The following EEF1AKMT2 variants were observed in gnomAD, a reference collection of about 807,000 sequenced individuals.
EEF1AKMT2 encodes EEF1A lysine methyltransferase 2.
In EEF1AKMT2, 32 loss-of-function variants were observed where a neutral mutation model predicts 35.8. The ratio of observed to expected loss-of-function variants is 0.89; its 90% CI spans 0.67 to 1.20. The LOEUF is 1.20. Among genes scored for constraint, EEF1AKMT2 ranks in the 50% most tolerant of loss-of-function variants. The pLI is 0.00. For synonymous variants in EEF1AKMT2, 121 were observed against 133.7 expected (o/e 0.91, Z 0.65); for missense variants, 330 against 347.5 (o/e 0.95, Z 0.40).
intron 3 of EEF1AKMT2, among the ~76,000 whole-genome samples, chr10:124,781,300 C>A (rs941026426): frequency 6.6e-6 from 1 of 151,650 alleles, no homozygotes; most frequent in Non-Finnish European, 1.5e-5. Flanking sequence ...ATATTCAGGC[C>A]GGCTGCGGTG....
rs750889614 is a variant in EEF1AKMT2 at position 124,765,514 on chromosome 10, T to C, written c.494A>G (p.Asn165Ser). 23 of 1,613,872 alleles carry C rather than the reference T, an allele frequency of 1.4e-5. No homozygotes were observed. The highest frequency in any genetic ancestry group is 9.3e-5 in the African/African-American group (7 of 74,932). The change falls in exon 5 of 7, where the codon AAT becomes AGT. Residue 165 changes from asparagine to serine, a missense_variant. Transcript: ENST00000368836. Reference protein sequence around the residue: ...TFDAISLNPDNAIEKRKQYVK... With the variant: ...TFDAISLNPDSAIEKRKQYVK... ...ATATTGCTTCCTCTTCTCAATTGCA[T>C]TGTCAGGATTAAGGCTTATGGCATC...
intron 6 of EEF1AKMT2, among the ~76,000 whole-genome samples, chr10:124,760,865 TTTTG>T (rs1019386473): frequency 7.2e-5 from 11 of 152,222 alleles, no homozygotes; most frequent in African/African-American, 2.4e-4. Context: ...TGTCGAGTTT[TTTTG>T]TTTGTTTGTT....
intron 4 of EEF1AKMT2, among the ~76,000 whole-genome samples, chr10:124,771,193 A>G (rs999093726): frequency 1.3e-4 from 19 of 151,320 alleles, no homozygotes; most frequent in African/African-American, 2.9e-4. Flanking sequence ...TCCGCCTCCC[A>G]GGTTCACGCC....
chr10:124,783,508 G>A (rs1012752749), intron 3 of EEF1AKMT2, among the ~76,000 whole-genome samples: 2 of 152,194 alleles, frequency 1.3e-5, no homozygotes, highest in African/African-American at 4.8e-5. Flanking sequence ...TGCAGCCACT[G>A]TGGAAAATGG....
intron 4 of EEF1AKMT2, among the ~76,000 whole-genome samples, chr10:124,770,607 C>T (rs1300147365): frequency 2.0e-5 from 3 of 152,126 alleles, no homozygotes; most frequent in African/African-American, 7.2e-5. Context: ...ATAAAGTTTG[C>T]CGTATCGACT....
At chr10:124,781,618 CA>C (rs34232151) in intron 3 of EEF1AKMT2, among the ~76,000 whole-genome samples, 134 of 100,962 alleles carry the variant, frequency 1.3e-3, no homozygotes, top group African/African-American at 4.0e-3. Flanking sequence ...TATATTCAGC[CA>C]AAAAAAAAAA....
chr10:124,784,281 A>G (rs1302541438), intron 3 of EEF1AKMT2, among the ~76,000 whole-genome samples: 1 of 152,200 alleles, frequency 6.6e-6, no homozygotes, highest in Non-Finnish European at 1.5e-5. Context: ...AATCTGTACC[A>G]GAAACATAAC....
In EEF1AKMT2 at chr10:124,767,118, G is replaced by A. The variant is rs373511741; in HGVS notation, c.400-1510C>T. 4.6e-4 allele frequency among the ~76,000 whole-genome samples: 66 copies of A among 142,076 alleles called. 2 individuals are homozygous for A. In the South Asian group the frequency reaches 0.014, roughly 29 times the overall value. The allele number at this position is 142,076 out of a possible 152,430, so 93.2% of individuals were successfully genotyped here. ...AGAGCTTGCAGTGAGCCGAGATCACGCCATTGCACTCCAGCCTGGGAAACA... is the reference window on the plus strand; with the variant it reads ...AGAGCTTGCAGTGAGCCGAGATCACACCATTGCACTCCAGCCTGGGAAACA... On this transcript the variant is annotated intron_variant, in intron 4 of 6. Transcript: ENST00000368836.
At chr10:124,763,736 G>T (rs1417605905) in intron 5 of EEF1AKMT2, among the ~76,000 whole-genome samples, 1 of 151,990 alleles carries the variant, frequency 6.6e-6, no homozygotes, top group African/African-American at 2.4e-5. Flanking sequence ...TTTGTCTGCT[G>T]GTTCTAGGAG....
chr10:124,761,705 C>CT (rs555511587), intron 6 of EEF1AKMT2, among the ~76,000 whole-genome samples: 1 of 152,204 alleles, frequency 6.6e-6, no homozygotes, highest in Non-Finnish European at 1.5e-5. Flanking sequence ...CTTTCTATCA[C>CT]TTAAGGCTAG....
chr10:124,756,805 G>A (rs911271539), downstream of EEF1AKMT2, among the ~76,000 whole-genome samples: 3 of 152,154 alleles, frequency 2.0e-5, no homozygotes, highest in Non-Finnish European at 4.4e-5. Flanking sequence ...TCTGCTTGAT[G>A]TTGAGTTTCA....
At chr10:124,781,305 G>A in intron 3 of EEF1AKMT2, among the ~76,000 whole-genome samples, 1 of 151,800 alleles carries the variant, frequency 6.6e-6, no homozygotes, top group Non-Finnish European at 1.5e-5. Flanking sequence ...CAGGCCGGCT[G>A]CGGTGGCTCA....
intron 5 of EEF1AKMT2, among the ~76,000 whole-genome samples, chr10:124,762,988 T>G (rs1399463365): frequency 4.6e-5 from 7 of 152,260 alleles, no homozygotes; most frequent in African/African-American, 1.7e-4. Flanking sequence ...AAAATATTAA[T>G]AGTGGTTGTA....
chr10:124,756,827 T>C (rs1267843523), downstream of EEF1AKMT2, among the ~76,000 whole-genome samples: 1 of 152,230 alleles, frequency 6.6e-6, no homozygotes, highest in Non-Finnish European at 1.5e-5. Flanking sequence ...TTCTATGCCC[T>C]GAACATAGGA....
intron 4 of EEF1AKMT2, among the ~76,000 whole-genome samples, chr10:124,774,461 A>C (rs1457969376): frequency 6.6e-6 from 1 of 150,898 alleles, no homozygotes; most frequent in Non-Finnish European, 1.5e-5. Context: ...ATTTGCAAAC[A>C]TCAGGAGCAG....
At chr10:124,776,702 G>A (rs1950490304) in intron 3 of EEF1AKMT2, among the ~76,000 whole-genome samples, 8 of 152,004 alleles carry the variant, frequency 5.3e-5, no homozygotes, top group Admixed American at 4.6e-4. Flanking sequence ...GGCTGAGGCA[G>A]GAGAATTGCT....
At position 124,757,868 on chromosome 10, in the gene EEF1AKMT2, G is replaced by A. The variant is rs1950298367; in HGVS notation, c.*2635C>T. On this transcript the variant is annotated 3_prime_UTR_variant, in exon 7 of 7. Coordinates refer to ENST00000368836, the MANE Select transcript of EEF1AKMT2 (RefSeq NM_212554.4). ...AATGGCTTTAGTCAGGCTGCCAAGA[G>A]TGATATCAGGTTTGATTCTCACATA... The A allele has an allele frequency of 6.6e-6, 1 of 152,192 alleles. No individual in the cohort carries two copies. Among genetic ancestry groups the A allele is most frequent in the Admixed American group, 6.5e-5 (1 of 15,282 alleles). The allele number at this position is 152,192 out of a possible 1,614,324, so 9.4% of individuals were successfully genotyped here.
chr10:124,789,179 ATAAC>A, intron 2 of EEF1AKMT2, 22 bp from the exon 3 acceptor site: 1 of 1,528,454 alleles, frequency 6.5e-7, no homozygotes, highest in Non-Finnish European at 9.1e-7. Flanking sequence ...AATCAGTCAA[ATAAC>A]TGAGGGATAC....
intron 5 of EEF1AKMT2, among the ~76,000 whole-genome samples, chr10:124,764,234 T>C (rs181912350): frequency 1.3e-3 from 199 of 151,646 alleles, no homozygotes; most frequent in African/African-American, 4.6e-3. Context: ...TAACCAAATA[T>C]TGAGTACCAT....
Sources: allele counts gnomAD v4.1 joint callset (sites outside exome capture counted in the v4.1 genomes callset), GRCh38; gene constraint gnomAD v4.1.1; transcripts MANE v1.5; gene names NCBI Gene and HGNC (gene_info 2026-07-23, HGNC 2026-07-21).